Variants in RNF6 observed in about 807,000 individuals in gnomAD.
RNF6 encodes the protein E3 ubiquitin-protein ligase RNF6.
Under a neutral mutation model 50.1 loss-of-function variants are expected in RNF6, and 21 were observed. The observed-to-expected ratio is 0.42, with a 90% confidence interval of 0.30 to 0.60. The LOEUF is 0.60. RNF6 is among the 20% of genes least tolerant of loss of function. RNF6 has a pLI of 0.20. For missense variants in RNF6, 698 were observed against 838.2 expected (o/e 0.83, Z 2.07); for synonymous variants, 255 against 291.8 (o/e 0.87, Z 1.29).
At chr13:26,146,373 C>T (rs1871244925) in intron 5 of RNF6, among the ~76,000 whole-genome samples, 1 of 152,212 alleles carries the variant, frequency 6.6e-6, no homozygotes, top group South Asian at 2.1e-4. Context: ...CCACTTGGCC[C>T]TGGCTGCCAT....
At chr13:26,148,722 T>C (rs1871399318) in intron 5 of RNF6, among the ~76,000 whole-genome samples, 1 of 140,532 alleles carries the variant, frequency 7.1e-6, no homozygotes, top group South Asian at 2.2e-4. Flanking sequence ...TAAATATATA[T>C]TTTATATATA....
chr13:26,182,702 G>A (rs1167197198), intron 5 of RNF6, among the ~76,000 whole-genome samples: 3 of 152,156 alleles, frequency 2.0e-5, no homozygotes, highest in Non-Finnish European at 4.4e-5. Flanking sequence ...CTACTCAGGA[G>A]GCTAAGGTAG....
chr13:26,136,467 A>G (rs776141295), intron 5 of RNF6, among the ~76,000 whole-genome samples: 20 of 152,308 alleles, frequency 1.3e-4, no homozygotes, highest in South Asian at 2.1e-4. Flanking sequence ...TTTAACCTCA[A>G]CAGTTAGGGG....
At chr13:26,162,777 C>T (rs1872272588) in intron 5 of RNF6, among the ~76,000 whole-genome samples, 2 of 152,120 alleles carry the variant, frequency 1.3e-5, no homozygotes, top group African/African-American at 4.8e-5. Flanking sequence ...TATAATTTAG[C>T]TAATATACTT....
intron 5 of RNF6, among the ~76,000 whole-genome samples, chr13:26,171,546 G>T (rs1456584127): frequency 6.6e-6 from 1 of 152,088 alleles, no homozygotes; most frequent in Non-Finnish European, 1.5e-5. Context: ...TCACTTCTAG[G>T]TATATAGCCA....
At chr13:26,155,625 A>T (rs1186896497) in intron 5 of RNF6, among the ~76,000 whole-genome samples, 4 of 152,236 alleles carry the variant, frequency 2.6e-5, no homozygotes, top group Non-Finnish European at 5.9e-5. Flanking sequence ...GGCAAGCCAG[A>T]GCCTGCACCG....
intron 5 of RNF6, among the ~76,000 whole-genome samples, chr13:26,148,000 G>T (rs1871340282): frequency 6.6e-6 from 1 of 152,168 alleles, no homozygotes; most frequent in Non-Finnish European, 1.5e-5. Flanking sequence ...ATAAAGAACT[G>T]CCTGAGACTG....
chr13:26,214,122 C>G lies in RNF6; in HGVS notation c.1760G>C (p.Arg587Pro), dbSNP rs573795380. ...ATTTAGTAAAAAAAAGTGAGCAAGG[C>G]GAAGAATGGGTAGTGTTCCAGTTTC... ...LVETGTLPIL[R>P]LAHFFLLNES... is the part of the protein sequence containing the mutation. Residue 587 changes from arginine to proline, a missense_variant, in exon 5 of 5, where the codon CGC becomes CCC. Arg to Pro is a moderately radical substitution (Grantham distance 103, BLOSUM62 -2). Transcript: ENST00000381588. The G allele has an allele frequency of 6.2e-7, 1 of 1,613,996 alleles. No homozygotes were observed. The highest frequency in any genetic ancestry group is 8.5e-7 in the Non-Finnish European group (1 of 1,180,038).
chr13:26,206,849 T>C (rs760325441), intron 5 of RNF6, among the ~76,000 whole-genome samples: 1 of 152,064 alleles, frequency 6.6e-6, no homozygotes, highest in South Asian at 2.1e-4. Flanking sequence ...GATGGGGAAC[T>C]GAGCAGGTCC....
intron 5 of RNF6, among the ~76,000 whole-genome samples, chr13:26,196,287 G>GA (rs200944746): frequency 4.0e-5 from 6 of 151,798 alleles, no homozygotes; most frequent in South Asian, 4.2e-4. Flanking sequence ...TGCTGAAAGG[G>GA]AAAAAAAATG....
chr13:26,205,540 G>A (rs1869073355), intron 5 of RNF6, among the ~76,000 whole-genome samples: 1 of 152,142 alleles, frequency 6.6e-6, no homozygotes. Flanking sequence ...CATACTCCGT[G>A]GTCAAGATAG....
intron 2 of RNF6, 121 bp downstream of exon 2, chr13:26,221,127 A>G (rs1269490252): frequency 6.6e-6 from 1 of 152,260 alleles, no homozygotes; most frequent in Non-Finnish European, 1.5e-5. Context: ...TTTGTAATAA[A>G]TAATTTTACA....
rs776359871 is a variant in RNF6 at position 26,201,048 on chromosome 13, A to G, written n.768+14426T>C. On this transcript the variant is annotated intron_variant and non_coding_transcript_variant, in intron 5 of 5. Transcript: ENST00000468480. The stretch of plus-strand genomic sequence containing the variant: ...ATAACATAAAGATGAAACAGCAGTA[A>G]AATTCATGCTGATAATTAATAGCAT... 2.0e-5 allele frequency among the ~76,000 whole-genome samples: 3 copies of G among 152,238 alleles called. No homozygotes were observed. The South Asian group carries it at 6.2e-4, about 32-fold the overall frequency.
At chr13:26,154,757 T>C (rs767463829) in intron 5 of RNF6, among the ~76,000 whole-genome samples, 23 of 152,144 alleles carry the variant, frequency 1.5e-4, no homozygotes, top group Non-Finnish European at 2.1e-4. Flanking sequence ...CGGCTGGGCG[T>C]TGTGGCTCAC....
intron 5 of RNF6, among the ~76,000 whole-genome samples, chr13:26,164,122 C>T (rs1234739448): frequency 6.6e-6 from 1 of 152,020 alleles, no homozygotes; most frequent in Non-Finnish European, 1.5e-5. Context: ...ACAGTGGGGC[C>T]CTCACTTGTT....
In RNF6 at chr13:26,139,143, C is replaced by T. The variant is rs552632767; in HGVS notation, n.769-6692G>A. Among the ~76,000 whole-genome samples, 3 of 152,232 alleles carry T rather than the reference C, an allele frequency of 2.0e-5. No individual in the cohort carries two copies. The South Asian group carries it at 6.2e-4, about 32-fold the overall frequency. The stretch of plus-strand genomic sequence containing the variant: ...AGCAAAGGACTCTGATGGGGGCTCA[C>T]CTTTTATATGCAAACTGAACCCCCA... On this transcript the variant is annotated intron_variant and non_coding_transcript_variant, in intron 5 of 5. Coordinates refer to the RNF6 transcript ENST00000468480.
intron 5 of RNF6, among the ~76,000 whole-genome samples, chr13:26,173,349 C>T (rs1388419604): frequency 1.3e-5 from 2 of 152,116 alleles, no homozygotes; most frequent in Non-Finnish European, 1.5e-5. Flanking sequence ...ATAAAACCCA[C>T]ATAAAATCAT....
rs527421820 is a variant in RNF6 at position 26,142,771 on chromosome 13, C to T, written n.769-10320G>A. 5.1e-4 allele frequency among the ~76,000 whole-genome samples: 77 copies of T among 152,272 alleles called. 1 individual carries two copies. Among genetic ancestry groups the T allele is most frequent in the African/African-American group, 1.7e-3 (71 of 41,548 alleles). ...GTGCTAAAAACATTCCAACTGGGTA[C>T]TGTGTTCACTACCTGGGTGATGGGA... On this transcript the variant is annotated intron_variant and non_coding_transcript_variant, in intron 5 of 5. Transcript: ENST00000468480.
intron 5 of RNF6, among the ~76,000 whole-genome samples, chr13:26,151,854 T>C (rs763296147): frequency 6.6e-6 from 1 of 152,186 alleles, no homozygotes; most frequent in Non-Finnish European, 1.5e-5. Flanking sequence ...GAAACATCTC[T>C]TGTATGTCTC....
Sources: gnomAD v4.1 joint callset for allele counts (sites outside exome capture counted in the v4.1 genomes callset) on GRCh38, gnomAD v4.1.1 for gene constraint, MANE v1.5 for transcripts, NCBI Gene and HGNC (gene_info 2026-07-23, HGNC 2026-07-21) for gene names.